Variants in PFKFB3 observed in about 807,000 individuals in gnomAD.
PFKFB3 encodes the protein 6-phosphofructo-2-kinase/fructose-2,6-biphosphatase 3.
A neutral mutation model predicts 68.0 loss-of-function variants in PFKFB3; 33 were observed. The observed-to-expected ratio is 0.49, with a 90% CI of 0.37 to 0.65. The LOEUF (loss-of-function observed/expected upper bound fraction) is 0.65. Among genes scored for constraint, PFKFB3 ranks in the 30% least tolerant of loss-of-function variants. PFKFB3 has a pLI of 0.00. For synonymous variants in PFKFB3, 315 were observed against 288.2 expected, an observed-to-expected ratio of 1.09 and a Z score of -0.94; for missense variants, 586 against 712.2, an observed-to-expected ratio of 0.82 and a Z score of 2.02.
At chr10:6,307,518 C>CTTCCTTCCTTCT in the PFKFB3 span, among the ~76,000 whole-genome samples, 2 of 38,654 alleles carry the variant, frequency 5.2e-5, no homozygotes, top group African/African-American at 9.7e-5. Flanking sequence ...TTTTTCCTTC[C>CTTCCTTCCTTCT]TTCCTTCCTT....
downstream of PFKFB3, among the ~76,000 whole-genome samples, chr10:6,237,177 T>C (rs1034920754): frequency 2.6e-5 from 4 of 152,252 alleles, no homozygotes; most frequent in Non-Finnish European, 4.4e-5. Flanking sequence ...TCAAAGCCTA[T>C]GCCAAAAAGG....
chr10:6,192,664 C>CGT (rs34129264), intron 1 of PFKFB3, among the ~76,000 whole-genome samples: 8,948 of 128,684 alleles, frequency 0.07, 231 homozygotes, highest in Non-Finnish European at 0.085. Context: ...TCCCCTCACC[C>CGT]GTGTGTGTGT....
In PFKFB3 at chr10:6,192,762, C is replaced by T. The variant is rs1843068469; in HGVS notation, c.17-20861C>T. On this transcript the variant is annotated intron_variant, in intron 1 of 14. Coordinates refer to the PFKFB3 transcript ENST00000379789. ...GGAAACCAAGGGGTGAAGACCAAATCATAGAGCAGCCCAGATCAGAGGGAA... is the reference window on the plus strand; with the variant it reads ...GGAAACCAAGGGGTGAAGACCAAATTATAGAGCAGCCCAGATCAGAGGGAA... Among the ~76,000 whole-genome samples the T allele has an allele frequency of 6.0e-5, 9 of 151,104 alleles. No individual in the cohort carries two copies. The Admixed American group carries it at 6.0e-4, about 10-fold the overall frequency.
intron 14 of PFKFB3, among the ~76,000 whole-genome samples, chr10:6,231,901 C>G (rs922914630): frequency 6.6e-6 from 1 of 152,152 alleles, no homozygotes; most frequent in Admixed American, 6.5e-5. Flanking sequence ...CCCATCACCT[C>G]CCGGTGGGCA....
At chr10:6,226,429 G>A (rs1845359255) in intron 14 of PFKFB3, 64 bp downstream of exon 14, 6 of 1,491,772 alleles carry the variant, frequency 4.0e-6, no homozygotes, top group Non-Finnish European at 5.5e-6. Flanking sequence ...CCACAGATCT[G>A]GGATTGCGTG....
chr10:6,290,129 A>G, the PFKFB3 span, among the ~76,000 whole-genome samples: 559 of 152,286 alleles, frequency 3.7e-3, 4 homozygotes, highest in African/African-American at 0.013. Context: ...GTTTCTAGAT[A>G]TACAATCATG....
intron 13 of PFKFB3, 67 bp downstream of exon 13, chr10:6,224,280 T>G: frequency 6.6e-7 from 1 of 1,524,960 alleles, no homozygotes; most frequent in Admixed American, 1.7e-5. Context: ...TGATGGGCGC[T>G]CAGGAGGCCC....
chr10:6,208,371 C>CTTTTTTTTTTT lies in PFKFB3; in HGVS notation c.76+5047_76+5057dup, dbSNP rs35447462. Among the ~76,000 whole-genome samples, 63 of 60,640 alleles carry CTTTTTTTTTTT rather than the reference C, an allele frequency of 1.0e-3. 11 individuals are homozygous for CTTTTTTTTTTT. Among genetic ancestry groups the CTTTTTTTTTTT allele is most frequent in the South Asian group, 4.0e-3 (5 of 1,264 alleles). 39.8% of individuals were successfully genotyped at this position (60,640 alleles called of 152,430 possible). ...ACAGGTGTAAGCCAGGGTACCTGGCCTTTTTTTTTTTTTTTTTTTTTTGCC... is the reference window on the plus strand; with the variant it reads ...ACAGGTGTAAGCCAGGGTACCTGGCCTTTTTTTTTTTTTTTTTTTTTTTTTTTTTTTTTGCC... On this transcript the variant is annotated intron_variant, in intron 1 of 14. Transcript: ENST00000379775.
intron 1 of PFKFB3, among the ~76,000 whole-genome samples, chr10:6,190,170 C>T (rs1481720285): frequency 6.6e-6 from 1 of 152,132 alleles, no homozygotes; most frequent in Non-Finnish European, 1.5e-5. Context: ...TCTTAAACTC[C>T]TGGCCTCAAG....
chr10:6,218,742 AT>A (rs1187880148), intron 6 of PFKFB3, among the ~76,000 whole-genome samples: 2 of 151,980 alleles, frequency 1.3e-5, no homozygotes, highest in African/African-American at 2.4e-5. Context: ...CATTTTAGCT[AT>A]TTTTTAAGTG....
chr10:6,181,040 A>C (rs1256965788), intron 1 of PFKFB3, among the ~76,000 whole-genome samples: 1 of 152,120 alleles, frequency 6.6e-6, no homozygotes. Context: ...TTAGAGACAG[A>C]GTCTGGCTCT....
At chr10:6,278,880 C>T in the PFKFB3 span, among the ~76,000 whole-genome samples, 2 of 152,134 alleles carry the variant, frequency 1.3e-5, no homozygotes, top group Admixed American at 6.5e-5. Flanking sequence ...TAGACAGACT[C>T]GAATGCTAGG....
At chr10:6,298,944 C>T in the PFKFB3 span, among the ~76,000 whole-genome samples, 9 of 152,312 alleles carry the variant, frequency 5.9e-5, no homozygotes, top group East Asian at 3.9e-4. Flanking sequence ...CTTGAGGACA[C>T]GTCTGGTTCA....
the PFKFB3 span, chr10:6,326,516 C>T: frequency 4.4e-6 from 2 of 455,034 alleles, no homozygotes; most frequent in Non-Finnish European, 8.8e-6. Context: ...ACATTTGGAA[C>T]TGTGCTGATA....
chr10:6,167,845 A>G (rs1038107348), intron 1 of PFKFB3, among the ~76,000 whole-genome samples: 3 of 152,186 alleles, frequency 2.0e-5, no homozygotes, highest in Admixed American at 6.5e-5. Context: ...GGAATTGGAT[A>G]TCTATGGAGA....
intron 14 of PFKFB3, chr10:6,231,393 A>C: frequency 6.3e-7 from 1 of 1,599,218 alleles, no homozygotes. Context: ...GCCATCGTGC[A>C]ATGCGGGGCT....
At chr10:6,282,058 C>A in the PFKFB3 span, among the ~76,000 whole-genome samples, 1 of 151,516 alleles carries the variant, frequency 6.6e-6, no homozygotes, top group Non-Finnish European at 1.5e-5. Flanking sequence ...CAGGTTCGAA[C>A]TCCTGGGCTC....
rs1310857909 is a variant in PFKFB3, at chr10:6,220,042, T to A, written c.623+349T>A. On this transcript the variant is annotated intron_variant, in intron 7 of 14. Transcript: ENST00000379775. This position sits in a 1 kb window ranked among gnomAD's most constrained non-coding sequence, Gnocchi z 4.1. The stretch of plus-strand genomic sequence containing the variant: ...GATTTTGCTACTGTCCCTCCGATAG[T>A]TCCTTTCTTTTTTCTTTCCTTTCTT... Among the ~76,000 whole-genome samples, 1 of 152,084 alleles carries A rather than the reference T, an allele frequency of 6.6e-6. No individual in the cohort carries two copies. Among genetic ancestry groups the A allele is most frequent in the East Asian group, 1.9e-4 (1 of 5,196 alleles).
rs1845825132 is a variant in PFKFB3, at chr10:6,232,780, T to C, written c.1516-115T>C. 6.1e-6 allele frequency: 5 copies of C among 824,836 alleles called. No homozygotes were observed. The Admixed American group carries it at 9.3e-5, about 15-fold the overall frequency. The allele number at this position is 824,836 out of a possible 1,614,324, so 51.1% of individuals were successfully genotyped here. A position where few individuals can be genotyped will look rare whatever the true frequency, so the allele number is the denominator to read the frequency against. ...CACCTTTCTTGGATCATGTTCTTTG[T>C]CTGGGATGGAGGGAGGGAAGAATTC... On this transcript the variant is annotated intron_variant, in intron 14 of 14. Coordinates refer to ENST00000379775, the MANE Select transcript of PFKFB3 (RefSeq NM_004566.4).
Sources: allele counts gnomAD v4.1 joint callset (sites outside exome capture counted in the v4.1 genomes callset), GRCh38; gene constraint gnomAD v4.1.1; non-coding constraint Gnocchi (gnomAD v3.1); transcripts MANE v1.5; gene names NCBI Gene and HGNC (gene_info 2026-07-23, HGNC 2026-07-21).